The following PRKCE variants were observed in gnomAD, a reference collection of about 807,000 sequenced individuals.
PRKCE encodes the protein protein kinase C epsilon, also known as protein kinase C epsilon type.
PRKCE carries 16 observed loss-of-function variants against 85.4 expected under a neutral mutation model. The observed-to-expected ratio is 0.19, with a 90% CI of 0.13 to 0.28. The LOEUF is 0.28. PRKCE is among the 10% of genes least tolerant of loss of function. The pLI, the probability that PRKCE is intolerant of heterozygous loss-of-function variation, is 1.00. For missense variants in PRKCE, 573 were observed against 975.2 expected, an observed-to-expected ratio of 0.59 and a Z score of 5.49; for synonymous variants, 388 against 371.5, an observed-to-expected ratio of 1.04 and a Z score of -0.51.
chr2:45,930,123 C>G (rs971981749), intron 2 of PRKCE, among the ~76,000 whole-genome samples: 2 of 152,222 alleles, frequency 1.3e-5, no homozygotes, highest in African/African-American at 2.4e-5. Flanking sequence ...CAGATGACGC[C>G]TCCATCCAGC....
intron 11 of PRKCE, among the ~76,000 whole-genome samples, chr2:46,096,548 G>T (rs1448217): frequency 1.3e-5 from 2 of 151,958 alleles, no homozygotes; most frequent in African/African-American, 2.4e-5. Flanking sequence ...AGAAGAGGAG[G>T]TTAGGACACA....
At chr2:45,978,059 A>G (rs1270519201) in intron 3 of PRKCE, 2 of 152,232 alleles carry the variant, frequency 1.3e-5, no homozygotes, top group Non-Finnish European at 1.5e-5. Context: ...GTTGGCGTAG[A>G]CATCTGAGAT....
rs1373890339 is a variant in PRKCE at position 46,155,536 on chromosome 2, A to G, written c.1921-4070A>G. 6.6e-6 allele frequency among the ~76,000 whole-genome samples: 1 copy of G among 152,028 alleles called. No homozygotes were observed. The highest frequency in any genetic ancestry group is 1.5e-5 in the Non-Finnish European group (1 of 67,988). Reference sequence around the variant, plus strand: ...CAGCCAGACCCATCTTCCAGCCTCCAGGCCTGTGTTTCCAGTTCCCTACTC... The same window carrying G: ...CAGCCAGACCCATCTTCCAGCCTCCGGGCCTGTGTTTCCAGTTCCCTACTC... On this transcript the variant is annotated intron_variant, in intron 13 of 14. Coordinates refer to ENST00000306156, the MANE Select transcript of PRKCE (RefSeq NM_005400.3). This position sits in a 1 kb window ranked among gnomAD's most constrained non-coding sequence, Gnocchi z 4.7.
chr2:45,781,812 C>T (rs931459936), intron 1 of PRKCE, among the ~76,000 whole-genome samples: 7 of 152,142 alleles, frequency 4.6e-5, no homozygotes, highest in South Asian at 4.1e-4. Context: ...CACCACAGTG[C>T]GGGGTTACTT....
chr2:45,964,353 G>A (rs766090738), intron 2 of PRKCE, among the ~76,000 whole-genome samples: 98 of 152,306 alleles, frequency 6.4e-4, no homozygotes, highest in Non-Finnish European at 1.0e-3. Flanking sequence ...TCAGGTGCCC[G>A]AGAATGCAGC....
intron 10 of PRKCE, among the ~76,000 whole-genome samples, chr2:46,063,032 G>T (rs948170838): frequency 6.6e-6 from 1 of 152,234 alleles, no homozygotes; most frequent in Non-Finnish European, 1.5e-5. Context: ...AGAAAGCAGA[G>T]TGGGCAAGCT....
chr2:45,733,943 T>C (rs1488368526), intron 1 of PRKCE, among the ~76,000 whole-genome samples: 1 of 152,200 alleles, frequency 6.6e-6, no homozygotes. Flanking sequence ...TGGGGTGGTC[T>C]TAGCTTCAAG....
At chr2:45,943,228 C>T (rs1160079615) in intron 2 of PRKCE, among the ~76,000 whole-genome samples, 3 of 152,162 alleles carry the variant, frequency 2.0e-5, no homozygotes, top group Non-Finnish European at 4.4e-5. Flanking sequence ...TAAATATACT[C>T]CAAAGCAGAC....
chr2:45,928,618 C>T (rs75243104), intron 2 of PRKCE, among the ~76,000 whole-genome samples: 196 of 152,302 alleles, frequency 1.3e-3, no homozygotes, highest in African/African-American at 4.6e-3. Context: ...AGTCCTTCCA[C>T]AACAATGTGT....
intron 1 of PRKCE, among the ~76,000 whole-genome samples, chr2:45,763,732 C>G (rs1172451086): frequency 6.6e-6 from 1 of 152,094 alleles, no homozygotes; most frequent in Admixed American, 6.6e-5. Flanking sequence ...AGGAAGGGCC[C>G]AAGGGATCAT....
At chr2:45,843,420 G>A (rs1691524092) in intron 2 of PRKCE, among the ~76,000 whole-genome samples, 1 of 152,192 alleles carries the variant, frequency 6.6e-6, no homozygotes, top group African/African-American at 2.4e-5. Flanking sequence ...TGGTCTAACG[G>A]CATCCAGAAA....
At chr2:45,954,855 T>G (rs62128990) in intron 2 of PRKCE, among the ~76,000 whole-genome samples, 6,085 of 152,300 alleles carry the variant, frequency 0.04, 171 homozygotes, top group Admixed American at 0.067. Context: ...ACAGTGATTG[T>G]GAGCTGTTAA....
chr2:46,034,858 G>T (rs1707759774), intron 10 of PRKCE, among the ~76,000 whole-genome samples: 1 of 152,378 alleles, frequency 6.6e-6, no homozygotes. Flanking sequence ...ATTACTGATG[G>T]TATGTTCTGA....
chr2:45,937,714 CAAA>C (rs1303847203), intron 2 of PRKCE, among the ~76,000 whole-genome samples: 1 of 147,376 alleles, frequency 6.8e-6, no homozygotes, highest in Non-Finnish European at 1.5e-5. Flanking sequence ...GACTCCGTCT[CAAA>C]GAAAAAAAAA....
At chr2:45,918,950 C>G (rs766081122) in intron 2 of PRKCE, among the ~76,000 whole-genome samples, 11 of 152,226 alleles carry the variant, frequency 7.2e-5, no homozygotes, top group Admixed American at 3.3e-4. Flanking sequence ...CACACCCCTC[C>G]TCTTCAGGGA....
intron 1 of PRKCE, among the ~76,000 whole-genome samples, chr2:45,784,445 G>A (rs747179201): frequency 1.6e-4 from 24 of 152,208 alleles, no homozygotes; most frequent in East Asian, 1.9e-4. Flanking sequence ...GGGATTTGCC[G>A]GAGAAACTTT....
chr2:46,074,429 C>CAAA (rs11287357), intron 10 of PRKCE, among the ~76,000 whole-genome samples: 55 of 93,856 alleles, frequency 5.9e-4, no homozygotes, highest in Non-Finnish European at 9.5e-4. Context: ...CAACAACAAC[C>CAAA]AAAAAAAAAA....
intron 6 of PRKCE, among the ~76,000 whole-genome samples, chr2:45,991,657 A>G (rs1703809502): frequency 6.6e-6 from 1 of 152,242 alleles, no homozygotes; most frequent in Non-Finnish European, 1.5e-5. Flanking sequence ...ACATCCTCAT[A>G]CATACCTTTT....
intron 2 of PRKCE, among the ~76,000 whole-genome samples, chr2:45,968,775 C>A (rs1050312966): frequency 2.0e-5 from 3 of 151,890 alleles, no homozygotes; most frequent in African/African-American, 7.3e-5. Context: ...TGGGAGGAGA[C>A]GTGGTGGGTA....
Sources: allele counts gnomAD v4.1 joint callset (sites outside exome capture counted in the v4.1 genomes callset), GRCh38; gene constraint gnomAD v4.1.1; non-coding constraint Gnocchi (gnomAD v3.1); transcripts MANE v1.5; gene names NCBI Gene and HGNC (gene_info 2026-07-23, HGNC 2026-07-21).